Variants in RBIS observed in about 807,000 individuals in gnomAD.
The protein encoded by RBIS is ribosome biogenesis factor identified in screen.
RBIS carries 9 observed loss-of-function variants against 9.8 expected under a neutral mutation model. The observed-to-expected ratio is 0.92, with a 90% CI of 0.56 to 1.61. The LOEUF (loss-of-function observed/expected upper bound fraction) is 1.61. Ranked by LOEUF, RBIS falls within the 40% of genes most tolerant of loss-of-function variation. RBIS has a pLI of 0.00. For synonymous variants in RBIS, 35 were observed against 37.9 expected (o/e 0.92, Z 0.28); for missense variants, 103 against 116.0 (o/e 0.89, Z 0.51).
In RBIS at chr8:85,217,451, T is replaced by C. The variant is rs1351114230; in HGVS notation, c.49A>G (p.Ile17Val). Residue 17 changes from isoleucine to valine, a missense_variant, in exon 2 of 4, where the codon ATA becomes GTA. By Grantham distance (29) the Ile-to-Val change is conservative. Transcript: ENST00000619594. ...RGPKSRNVFHIASQKNFKAKN... is the reference protein window; with the variant it reads ...RGPKSRNVFHVASQKNFKAKN... ...GCCTTAAAGTTTTTTTGGCTGGCTA[T>C]GTGAAATACATTCCTGGACTTCGGC... is the stretch of plus-strand genomic sequence containing the variant. 3.7e-6 allele frequency: 6 copies of C among 1,612,744 alleles called. No individual in the cohort carries two copies. The highest frequency in any genetic ancestry group is 1.1e-5 in the South Asian group (1 of 91,024).
In RBIS at chr8:85,214,096, G is replaced by C. The variant is rs1813027937; in HGVS notation, c.*464C>G. 2 of 582,064 alleles carry C rather than the reference G, an allele frequency of 3.4e-6. No homozygotes were observed. The highest frequency in any genetic ancestry group is 6.3e-6 in the Non-Finnish European group (2 of 316,204). 36.1% of individuals were successfully genotyped at this position (582,064 alleles called of 1,614,324 possible). A position where few individuals can be genotyped will look rare whatever the true frequency, so the allele number is the denominator to read the frequency against. On this transcript the variant is annotated 3_prime_UTR_variant, in exon 4 of 4. Coordinates refer to ENST00000619594, the MANE Select transcript of RBIS (RefSeq NM_001099673.3). Reference sequence around the variant, plus strand: ...TCCACAAACGTCCCCACTCCCAAAAGTAACTATATTCTGGATTTCAACTTT... The same window carrying C: ...TCCACAAACGTCCCCACTCCCAAAACTAACTATATTCTGGATTTCAACTTT...
intron 1 of RBIS, among the ~76,000 whole-genome samples, chr8:85,220,058 G>A (rs1813308694): frequency 1.3e-5 from 2 of 152,130 alleles, no homozygotes; most frequent in Non-Finnish European, 2.9e-5. Flanking sequence ...TGCGAGTGGA[G>A]GGAAATTCTC....
chr8:85,215,319 T>C (rs1427968041), intron 2 of RBIS: 1 of 163,504 alleles, frequency 6.1e-6, no homozygotes, highest in African/African-American at 2.4e-5. Context: ...ATATATTTGG[T>C]CTTTGTCCTC....
intron 2 of RBIS, chr8:85,216,942 T>C (rs979130839): frequency 5.2e-6 from 1 of 193,742 alleles, no homozygotes; most frequent in Non-Finnish European, 1.0e-5. Flanking sequence ...ATAAATATTT[T>C]TTATCTTCAT....
At position 85,214,649 on chromosome 8, in the gene RBIS, T is replaced by G; in HGVS notation, c.232-18A>C. 1 of 1,463,252 alleles carries G rather than the reference T, an allele frequency of 6.8e-7. No individual in the cohort carries two copies. The highest frequency in any genetic ancestry group is 1.4e-5 in the African/African-American group (1 of 71,730). The allele number at this position is 1,463,252 out of a possible 1,614,324, so 90.6% of individuals were successfully genotyped here. Reference sequence around the variant, plus strand: ...TGAGGAATCTGAAAGGAGAAAGTATTATATTTAAAAACACAGACAACAATA... The same window carrying G: ...TGAGGAATCTGAAAGGAGAAAGTATGATATTTAAAAACACAGACAACAATA... On this transcript the variant is annotated intron_variant, in intron 3 of 3. Coordinates refer to ENST00000619594, the MANE Select transcript of RBIS (RefSeq NM_001099673.3).
chr8:85,217,040 T>C (rs1813179195), intron 2 of RBIS: 1 of 398,596 alleles, frequency 2.5e-6, no homozygotes, highest in Non-Finnish European at 4.4e-6. Context: ...TGACATCCCA[T>C]GTCTTGCCTC....
intron 1 of RBIS, chr8:85,217,846 T>C: frequency 4.7e-6 from 1 of 214,970 alleles, no homozygotes. Context: ...ACTACTATGC[T>C]ATTCTGGTTC....
Position 85,214,144 on chromosome 8 carries a change from G to GT in RBIS, c.*415dup, listed in dbSNP as rs1192954064. The GT allele has an allele frequency of 2.0e-5, 11 of 543,928 alleles. No individual in the cohort carries two copies. Among genetic ancestry groups the GT allele is most frequent in the Non-Finnish European group, 3.8e-5 (11 of 286,928 alleles). The allele number at this position is 543,928 out of a possible 1,614,324, so 33.7% of individuals were successfully genotyped here. The stretch of plus-strand genomic sequence containing the variant: ...TTTTCTTCTAATTGTGAATCCTTCT[G>GT]TTTTTTCTTCTTAAGGAGGAAAGTT... On this transcript the variant is annotated 3_prime_UTR_variant, in exon 4 of 4. Transcript: ENST00000619594.
chr8:85,218,738 A>G, intron 1 of RBIS: 1 of 152,424 alleles, frequency 6.6e-6, no homozygotes, highest in Non-Finnish European at 1.5e-5. Flanking sequence ...AGACTGAGGA[A>G]GGAGAATCGC....
Position 85,217,480 on chromosome 8 carries a change from C to G in RBIS, c.20G>C (p.Arg7Thr). ...AAATACATTCCTGGACTTCGGCCCT[C>G]TTAATTTGTTCTTGGCCATTGTCTA... MAKNKL[R>T]GPKSRNVFHI... Residue 7 changes from arginine to threonine, a missense_variant, in exon 2 of 4, where the codon AGA becomes ACA. Transcript: ENST00000619594. 3 of 1,611,206 alleles carry G rather than the reference C, an allele frequency of 1.9e-6. No individual in the cohort carries two copies. The highest frequency in any genetic ancestry group is 1.3e-5 in the African/African-American group (1 of 74,960).
chr8:85,217,314 AC>A lies in RBIS; in HGVS notation c.114+71del, dbSNP rs11315957. The A allele has an allele frequency of 4.3e-4, 376 of 868,694 alleles. 4 individuals carry two copies. The African/African-American group carries it at 5.5e-3, about 13-fold the overall frequency. 53.8% of individuals were successfully genotyped at this position (868,694 alleles called of 1,614,324 possible). A position where few individuals can be genotyped will look rare whatever the true frequency, so the allele number is the denominator to read the frequency against. Reference sequence around the variant, plus strand: ...GAACCTTTTTAAAAAGTAATAGTATACAGCTGTTCAGTAGCTTACAATGACA... The same window carrying A: ...GAACCTTTTTAAAAAGTAATAGTATAAGCTGTTCAGTAGCTTACAATGACA... On this transcript the variant is annotated intron_variant, in intron 2 of 3. Transcript: ENST00000619594.
rs1563987020 is a variant in RBIS at position 85,215,026 on chromosome 8, C to T, written c.126G>A (p.Met42Ile). The change falls in exon 3 of 4, where the codon ATG (methionine) becomes ATA (isoleucine). Residue 42 changes from methionine (M) to isoleucine (I), a missense_variant. By Grantham distance (10) the Met-to-Ile change is conservative. Coordinates refer to ENST00000619594, the MANE Select transcript of RBIS (RefSeq NM_001099673.3). Reference protein sequence around the residue: ...VTTNLKKINIMNEEKVNRVNK... With the variant: ...VTTNLKKINIINEEKVNRVNK... Reference sequence around the variant, plus strand: ...TTACTCTGTTAACTTTTTCCTCATTCATAATGTTTATCTTTTAAAAAGAAA... The same window carrying T: ...TTACTCTGTTAACTTTTTCCTCATTTATAATGTTTATCTTTTAAAAAGAAA... The T allele has an allele frequency of 7.3e-7, 1 of 1,373,418 alleles. No individual in the cohort carries two copies. Among genetic ancestry groups the T allele is most frequent in the Admixed American group, 2.0e-5 (1 of 49,572 alleles). The allele number at this position is 1,373,418 out of a possible 1,614,324, so 85.1% of individuals were successfully genotyped here.
chr8:85,217,272 T>A (rs1813190135), intron 2 of RBIS, 114 bp downstream of exon 2: 3 of 744,090 alleles, frequency 4.0e-6, no homozygotes, highest in Non-Finnish European at 7.3e-6. Context: ...CATCCTTACC[T>A]TTCTAGGAAA....
At position 85,214,343 on chromosome 8, in the gene RBIS, A is replaced by C. The variant is rs1477472928; in HGVS notation, c.*217T>G. The C allele has an allele frequency of 1.7e-6, 1 of 594,660 alleles. No individual in the cohort carries two copies. Among genetic ancestry groups the C allele is most frequent in the East Asian group, 3.0e-5 (1 of 33,572 alleles). 36.8% of individuals were successfully genotyped at this position (594,660 alleles called of 1,614,324 possible). On this transcript the variant is annotated 3_prime_UTR_variant, in exon 4 of 4. Transcript: ENST00000619594. ...AGGATATATAACTGTTTCAGTGAACAGATTTTGTGAAGTGCCTTCTGTTTT... is the reference window on the plus strand; with the variant it reads ...AGGATATATAACTGTTTCAGTGAACCGATTTTGTGAAGTGCCTTCTGTTTT...
chr8:85,214,975 C>CTT lies in RBIS; in HGVS notation c.175_176dup (p.Glu60ArgfsTer19). The CTT allele has an allele frequency of 6.3e-7, 1 of 1,592,644 alleles. No homozygotes were observed. The highest frequency in any genetic ancestry group is 8.6e-7 in the Non-Finnish European group (1 of 1,166,660). Reference sequence around the variant, plus strand: ...TGCTTTTTGCGAAATGTGCAAGTTCCTTTTGTACATTTACAAAAGCTTTAT... The same window carrying CTT: ...TGCTTTTTGCGAAATGTGCAAGTTCCTTTTTTGTACATTTACAAAAGCTTTAT... On this transcript the variant is annotated frameshift_variant, in exon 3 of 4. Coordinates refer to ENST00000619594, the MANE Select transcript of RBIS (RefSeq NM_001099673.3). LOFTEE classifies it high-confidence loss of function.
At chr8:85,216,913 T>C (rs1813173991) in intron 2 of RBIS, 1 of 168,666 alleles carries the variant, frequency 5.9e-6, no homozygotes, top group South Asian at 2.0e-4. Flanking sequence ...AAGAAACCCC[T>C]TTCAAATTGT....
intron 2 of RBIS, 196 bp downstream of exon 2, chr8:85,217,190 C>T: frequency 1.4e-5 from 9 of 647,638 alleles, no homozygotes; most frequent in Non-Finnish European, 2.2e-5. Flanking sequence ...TTCTTTTCAA[C>T]ATTTGTTTTC....
At chr8:85,217,078 A>C (rs1813180669) in intron 2 of RBIS, 1 of 504,960 alleles carries the variant, frequency 2.0e-6, no homozygotes. Flanking sequence ...ATTTGAGTTT[A>C]GAGATAAGAA....
chr8:85,214,663 C>T (rs752501727), intron 3 of RBIS, 32 bp from the exon 4 acceptor site: 7 of 1,328,772 alleles, frequency 5.3e-6, no homozygotes, highest in Admixed American at 3.4e-5. Flanking sequence ...TTTAAAAACA[C>T]AGACAACAAT....
Sources: allele counts gnomAD v4.1 joint callset (sites outside exome capture counted in the v4.1 genomes callset), GRCh38; gene constraint gnomAD v4.1.1; transcripts MANE v1.5; gene names NCBI Gene and HGNC (gene_info 2026-07-23, HGNC 2026-07-21).